ZFAND3: variants seen among roughly 807,000 people sequenced by gnomAD.
ZFAND3 encodes zinc finger AN1-type containing 3, also known as AN1-type zinc finger protein 3.
In ZFAND3, 10 loss-of-function variants were observed where a neutral mutation model predicts 29.6. That is an observed-to-expected ratio of 0.34 (90% CI 0.21 to 0.57). ZFAND3 has a LOEUF of 0.57. Among genes scored for constraint, ZFAND3 ranks in the 20% least tolerant of loss-of-function variants. The pLI is 0.86. For synonymous variants in ZFAND3, 128 were observed against 112.6 expected, an observed-to-expected ratio of 1.14 and a Z score of -0.87; for missense variants, 230 against 304.5, an observed-to-expected ratio of 0.76 and a Z score of 1.82.
intron 1 of ZFAND3, among the ~76,000 whole-genome samples, chr6:37,877,685 T>C (rs141247500): frequency 6.6e-6 from 1 of 152,192 alleles, no homozygotes; most frequent in African/African-American, 2.4e-5. Context: ...TGCTTACTTG[T>C]GGCAGGGCTG....
chr6:38,033,966 A>C (rs1311532504), intron 2 of ZFAND3, among the ~76,000 whole-genome samples: 1 of 152,224 alleles, frequency 6.6e-6, no homozygotes, highest in Non-Finnish European at 1.5e-5. Flanking sequence ...TTTACAAATG[A>C]CTTAAAATTC....
intron 2 of ZFAND3, among the ~76,000 whole-genome samples, chr6:37,986,189 CAGG>C (rs1474071715): frequency 6.6e-6 from 1 of 151,980 alleles, no homozygotes; most frequent in Non-Finnish European, 1.5e-5. Flanking sequence ...CTCTGGTTGG[CAGG>C]AGTTGAGTAG....
intron 2 of ZFAND3, among the ~76,000 whole-genome samples, chr6:37,943,917 C>T (rs2395689): frequency 0.12 from 17,516 of 152,140 alleles, 1,451 homozygotes; most frequent in East Asian, 0.32. Context: ...TCCAGTGTTA[C>T]ATGCTATATT....
chr6:38,053,497 A>T (rs1440084446), intron 2 of ZFAND3, among the ~76,000 whole-genome samples: 1 of 152,140 alleles, frequency 6.6e-6, no homozygotes, highest in Non-Finnish European at 1.5e-5. Flanking sequence ...CAGCTTGGCC[A>T]TCATGGTGAA....
intron 2 of ZFAND3, among the ~76,000 whole-genome samples, chr6:38,030,592 C>G (rs1214534883): frequency 6.6e-6 from 1 of 152,062 alleles, no homozygotes; most frequent in Non-Finnish European, 1.5e-5. Flanking sequence ...GATTGTTCAA[C>G]AGAAACAATG....
intron 3 of ZFAND3, among the ~76,000 whole-genome samples, chr6:38,064,287 A>C (rs1253874593): frequency 6.6e-6 from 1 of 152,232 alleles, no homozygotes; most frequent in Non-Finnish European, 1.5e-5. Context: ...AGATAACAGT[A>C]GCTACCATTT....
chr6:38,081,775 T>G (rs1280490763), intron 3 of ZFAND3, among the ~76,000 whole-genome samples: 1 of 152,170 alleles, frequency 6.6e-6, no homozygotes, highest in African/African-American at 2.4e-5. Context: ...ATTATGCTTA[T>G]GCATCAGATC....
chr6:38,049,864 C>T (rs1012471260), intron 2 of ZFAND3, among the ~76,000 whole-genome samples: 1 of 142,828 alleles, frequency 7.0e-6, no homozygotes, highest in African/African-American at 2.6e-5. Flanking sequence ...GATTGACTCT[C>T]CTCGCTCCCC....
At chr6:37,889,153 C>T (rs1765050344) in intron 1 of ZFAND3, among the ~76,000 whole-genome samples, 2 of 152,324 alleles carry the variant, frequency 1.3e-5, no homozygotes, top group South Asian at 4.1e-4. Flanking sequence ...GACTACAGCA[C>T]CTCTGAGCAT....
intron 5 of ZFAND3, among the ~76,000 whole-genome samples, chr6:38,144,207 ATATAATATATAATATATATATATAT>A (rs1766042274): frequency 2.3e-4 from 10 of 43,674 alleles, no homozygotes; most frequent in Admixed American, 1.5e-3. Context: ...ATATATATAT[ATATAATATATAATATATATATATAT>A]TTTTTTTTTA....
In ZFAND3 at chr6:37,886,194, C is replaced by T. The variant is rs573471953; in HGVS notation, c.72-43765C>T. Reference sequence around the variant, plus strand: ...TGGAGGTTGCAGTGAGCTGAGATTGCGCCACTGCACTCCAGCCTAGGCTAC... The same window carrying T: ...TGGAGGTTGCAGTGAGCTGAGATTGTGCCACTGCACTCCAGCCTAGGCTAC... On this transcript the variant is annotated intron_variant, in intron 1 of 5. Transcript: ENST00000287218. 5.4e-4 allele frequency among the ~76,000 whole-genome samples: 64 copies of T among 118,902 alleles called. No individual in the cohort carries two copies. The East Asian group carries it at 0.014, about 26-fold the overall frequency. 78.0% of individuals were successfully genotyped at this position (118,902 alleles called of 152,430 possible). A position where few individuals can be genotyped will look rare whatever the true frequency, so the allele number is the denominator to read the frequency against.
At chr6:38,034,626 A>G (rs1178731422) in intron 2 of ZFAND3, among the ~76,000 whole-genome samples, 1 of 152,162 alleles carries the variant, frequency 6.6e-6, no homozygotes, top group South Asian at 2.1e-4. Flanking sequence ...CTTCAAAATT[A>G]ATATTTTAAA....
chr6:38,042,338 G>A (rs551010791), intron 2 of ZFAND3, among the ~76,000 whole-genome samples: 2 of 137,654 alleles, frequency 1.5e-5, no homozygotes, highest in African/African-American at 5.4e-5. Flanking sequence ...TTTTGAGATG[G>A]AGTTTCGCTC....
intron 5 of ZFAND3, among the ~76,000 whole-genome samples, chr6:38,142,666 A>AT (rs1353890257): frequency 6.6e-6 from 1 of 151,844 alleles, no homozygotes; most frequent in Admixed American, 6.6e-5. Flanking sequence ...CCAGCACAGC[A>AT]CTCTTCCCCT....
chr6:38,039,992 C>T (rs1763729694), intron 2 of ZFAND3, among the ~76,000 whole-genome samples: 1 of 151,980 alleles, frequency 6.6e-6, no homozygotes, highest in Non-Finnish European at 1.5e-5. Flanking sequence ...AATATTATTA[C>T]TCTTAAACTT....
At chr6:38,085,124 T>C (rs539989712) in intron 4 of ZFAND3, among the ~76,000 whole-genome samples, 10 of 152,338 alleles carry the variant, frequency 6.6e-5, no homozygotes, top group South Asian at 6.2e-4. Context: ...CCAATTGTTA[T>C]TGTTATTTTG....
rs1033802748 is a variant in ZFAND3, at chr6:38,129,198, G to A, written c.529+12459G>A. 3.9e-5 allele frequency among the ~76,000 whole-genome samples: 6 copies of A among 152,070 alleles called. No homozygotes were observed. The South Asian group carries it at 8.3e-4, about 21-fold the overall frequency. The stretch of plus-strand genomic sequence containing the variant: ...GGATTTTTTTCTTGTTGATTTGTTT[G>A]AGTTCATTGTAGATTCTGGATATTA... On this transcript the variant is annotated intron_variant, in intron 5 of 5. Transcript: ENST00000287218.
rs192766978 is a variant in ZFAND3 at position 38,110,469 on chromosome 6, T to C, written c.362-6103T>C. On this transcript the variant is annotated intron_variant, in intron 4 of 5. Coordinates refer to ENST00000287218, the MANE Select transcript of ZFAND3 (RefSeq NM_021943.3). ...GCAGGTTTTTTTCAAGTCTCTTTTA[T>C]CAGTTTTTCCAGTGAGAGTGTGGTA... Among the ~76,000 whole-genome samples, 113 of 151,666 alleles carry C rather than the reference T, an allele frequency of 7.5e-4. 2 individuals are homozygous for C. Among genetic ancestry groups the C allele is most frequent in the Admixed American group, 5.7e-3 (87 of 15,276 alleles).
rs968817077 is a variant in ZFAND3, at chr6:38,154,387, G to A, written c.*1998G>A. On this transcript the variant is annotated 3_prime_UTR_variant, in exon 6 of 6. Coordinates refer to ENST00000287218, the MANE Select transcript of ZFAND3 (RefSeq NM_021943.3). ...TGACTTAGAGCTGGGGGGGGTGGGG[G>A]GTGGGGCTTGTTCCCCTGCAGTATC... 20 of 508,320 alleles carry A rather than the reference G, an allele frequency of 3.9e-5. No individual in the cohort carries two copies. The African/African-American group carries it at 4.0e-4, about 10-fold the overall frequency. The allele number at this position is 508,320 out of a possible 1,614,324, so 31.5% of individuals were successfully genotyped here.
Sources: allele counts gnomAD v4.1 joint callset (sites outside exome capture counted in the v4.1 genomes callset), GRCh38; gene constraint gnomAD v4.1.1; transcripts MANE v1.5; gene names NCBI Gene and HGNC (gene_info 2026-07-23, HGNC 2026-07-21).